Variants in PLEKHG4B observed in about 807,000 individuals in gnomAD.
PLEKHG4B encodes the protein pleckstrin homology and RhoGEF domain containing G4B.
In PLEKHG4B, 111 loss-of-function variants were observed where a neutral mutation model predicts 121.3. That is an observed-to-expected ratio of 0.92 (90% CI 0.78 to 1.07). PLEKHG4B has a LOEUF of 1.07. Among genes scored for constraint, PLEKHG4B ranks in the 50% least tolerant of loss-of-function variants. PLEKHG4B has a pLI of 0.00. For missense variants in PLEKHG4B, 1,831 were observed against 1,757.8 expected (o/e 1.04, Z -0.74); for synonymous variants, 738 against 725.0 (o/e 1.02, Z -0.29).
chr5:97,356 C>T (rs1413324470), intron 1 of PLEKHG4B, among the ~76,000 whole-genome samples: 2 of 151,922 alleles, frequency 1.3e-5, no homozygotes, highest in Admixed American at 1.3e-4. Flanking sequence ...AGATCGTTTT[C>T]CTCATTCCGA....
At chr5:134,058 AAT>A (rs1184569941) in intron 2 of PLEKHG4B, among the ~76,000 whole-genome samples, 92 of 124,972 alleles carry the variant, frequency 7.4e-4, no homozygotes, top group East Asian at 1.4e-3. Context: ...TATATGATAG[AAT>A]ATATATATAT....
At chr5:152,144 G>A (rs908225437) in intron 7 of PLEKHG4B, among the ~76,000 whole-genome samples, 5 of 101,506 alleles carry the variant, frequency 4.9e-5, no homozygotes, top group African/African-American at 1.2e-4. Flanking sequence ...AGGCTTGAAC[G>A]TTAAATTTGT....
chr5:122,052 CT>C (rs1452355629), intron 2 of PLEKHG4B, among the ~76,000 whole-genome samples: 1 of 152,112 alleles, frequency 6.6e-6, no homozygotes, highest in Admixed American at 6.5e-5. Context: ...TGAAATTATA[CT>C]ACTGAAAGGT....
chr5:137,650 C>T lies in PLEKHG4B; in HGVS notation c.244-1833C>T, dbSNP rs1735023338. Among the ~76,000 whole-genome samples the T allele has an allele frequency of 1.3e-5, 2 of 152,230 alleles. No individual in the cohort carries two copies. Among genetic ancestry groups the T allele is most frequent in the African/African-American group, 4.8e-5 (2 of 41,464 alleles). On this transcript the variant is annotated intron_variant, in intron 2 of 19. Transcript: ENST00000637938. The surrounding 1 kb of genome is among the most constrained non-coding windows in gnomAD (Gnocchi z 4.2). ...GAAAGGCTCCAACACCCTCCCATTT[C>T]TGTTTTCTGGAAAAAGTCTAGTGGT...
In PLEKHG4B at chr5:154,975, G is replaced by C. The variant is rs1735724491; in HGVS notation, c.2093G>C (p.Trp698Ser). 6.2e-7 allele frequency: 1 copy of C among 1,612,878 alleles called. No homozygotes were observed. Among genetic ancestry groups the C allele is most frequent in the East Asian group, 2.2e-5 (1 of 44,894 alleles). The change falls in exon 8 of 20, where the codon TGG (tryptophan) becomes TCG (serine). Residue 698 changes from tryptophan (W) to serine (S), a missense_variant. Trp to Ser is a radical substitution (Grantham distance 177). Coordinates refer to ENST00000637938, the MANE Select transcript of PLEKHG4B (RefSeq NM_052909.5). ...DGSFPYSHGD[W>S]ICFRQRLEHF... ...TCCTTTCCCTACAGCCATGGTGACT[G>C]GATCTGCTTCCGTCAGGTAGGTTCA...
At position 162,978 on chromosome 5, in the gene PLEKHG4B, C is replaced by A. The variant is rs1323736505; in HGVS notation, c.2906C>A (p.Pro969His). ...GCTGCCCCAGACCCCAGCTTACCGC[C>A]CCTTGCCCAGAGCCCCCCAAAGCAT... ...SEAAPDPSLPPLAQSPPKHER... is the reference protein window; with the variant it reads ...SEAAPDPSLPHLAQSPPKHER... Residue 969 changes from proline to histidine, a missense_variant, in exon 13 of 20, where the codon CCC (proline) becomes CAC (histidine). By Grantham distance (77) the Pro-to-His change is moderately conservative. Transcript: ENST00000637938. 1 of 1,567,534 alleles carries A rather than the reference C, an allele frequency of 6.4e-7. No homozygotes were observed. The highest frequency in any genetic ancestry group is 1.9e-5 in the Admixed American group (1 of 53,948).
At chr5:134,332 G>A (rs1008255595) in intron 2 of PLEKHG4B, among the ~76,000 whole-genome samples, 3 of 151,654 alleles carry the variant, frequency 2.0e-5, no homozygotes, top group Non-Finnish European at 2.9e-5. Flanking sequence ...GGAAAGGGTG[G>A]GAGGCAGGTG....
At position 174,083 on chromosome 5, in the gene PLEKHG4B, GC is replaced by G; in HGVS notation, c.4388del (p.Ala1463AspfsTer2). On this transcript the variant is annotated frameshift_variant, in exon 18 of 20. Transcript: ENST00000637938. LOFTEE classifies it high-confidence loss of function. ...DVIGRILWRQALKSRELRIQE... is the reference protein window; with the variant it reads ...DVIGRILWRQXLKSRELRIQE... ...CATAGGGAGGATCCTGTGGCGGCAG[GC>G]ACTAAAGAGCAGAGGTGGGAAGATG... is the stretch of plus-strand genomic sequence containing the variant. 6.4e-7 allele frequency: 1 copy of G among 1,555,074 alleles called. No homozygotes were observed. The highest frequency in any genetic ancestry group is 8.7e-7 in the Non-Finnish European group (1 of 1,148,568).
At chr5:111,405 G>A (rs576282687) in intron 1 of PLEKHG4B, among the ~76,000 whole-genome samples, 2 of 152,358 alleles carry the variant, frequency 1.3e-5, no homozygotes, top group Admixed American at 6.5e-5. Context: ...AGTCACCATG[G>A]AATCAGGCAG....
chr5:126,961 T>A (rs114838885), intron 2 of PLEKHG4B, among the ~76,000 whole-genome samples: 2 of 152,168 alleles, frequency 1.3e-5, no homozygotes, highest in African/African-American at 4.8e-5. Context: ...GACATTTACA[T>A]AGTGTGCGGG....
intron 17 of PLEKHG4B, among the ~76,000 whole-genome samples, chr5:173,507 TCA>T (rs1736640546): frequency 6.6e-6 from 1 of 151,980 alleles, no homozygotes; most frequent in Non-Finnish European, 1.5e-5. Context: ...GTGCATGGGC[TCA>T]CACACAAGCA....
intron 5 of PLEKHG4B, 42 bp from the exon 6 acceptor site, chr5:144,785 T>C: frequency 6.4e-7 from 1 of 1,554,316 alleles, no homozygotes; most frequent in Non-Finnish European, 8.9e-7. Context: ...TGTAAGAGAT[T>C]TAACCTTCAG....
At chr5:102,729 CTCTT>C (rs1231426474) in intron 1 of PLEKHG4B, among the ~76,000 whole-genome samples, 5 of 152,316 alleles carry the variant, frequency 3.3e-5, no homozygotes, top group Admixed American at 2.6e-4. Flanking sequence ...TCTCGAGTAT[CTCTT>C]TATAGCAGTG....
rs1734221595 is a variant in PLEKHG4B at position 113,616 on chromosome 5, T to C, written c.243+168T>C. Among the ~76,000 whole-genome samples, 1 of 152,196 alleles carries C rather than the reference T, an allele frequency of 6.6e-6. No homozygotes were observed. The highest frequency in any genetic ancestry group is 2.4e-5 in the African/African-American group (1 of 41,456). On this transcript the variant is annotated intron_variant, in intron 2 of 19. Transcript: ENST00000637938. This position sits in a 1 kb window ranked among gnomAD's most constrained non-coding sequence, Gnocchi z 5.2. ...ATGAAGGGTCAAACAAGGCTGCATG[T>C]CCCAGCAACAAGGGTTTCTCAGGCT...
At chr5:180,727 C>T (rs995441946) in intron 18 of PLEKHG4B, among the ~76,000 whole-genome samples, 1 of 152,214 alleles carries the variant, frequency 6.6e-6, no homozygotes, top group Admixed American at 6.5e-5. Context: ...CTAAAATAGC[C>T]TTCGGAGTTA....
intron 18 of PLEKHG4B, among the ~76,000 whole-genome samples, chr5:175,532 G>A (rs1334029195): frequency 6.6e-6 from 1 of 152,062 alleles, no homozygotes; most frequent in Non-Finnish European, 1.5e-5. Context: ...TGGCAGCTCT[G>A]GCCTCTCAGA....
At position 155,364 on chromosome 5, in the gene PLEKHG4B, C is replaced by A. The variant is rs1417209629; in HGVS notation, c.2129C>A (p.Ala710Glu). ...CFRQRLEHFA[A>E]NCEEAIIFLQ... ...CAACAGAGGCTGGAACACTTCGCTG[C>A]AAACTGTGAAGAAGCCATCATTTTC... The change falls in exon 9 of 20, where the codon GCA (alanine) becomes GAA (glutamate). Residue 710 changes from alanine (A) to glutamate (E), a missense_variant. Physicochemically the swap from Ala to Glu is moderately radical, Grantham distance 107. Transcript: ENST00000637938. 1.2e-6 allele frequency: 2 copies of A among 1,614,056 alleles called. No individual in the cohort carries two copies. Among genetic ancestry groups the A allele is most frequent in the African/African-American group, 2.7e-5 (2 of 74,934 alleles).
rs1735789904 is a variant in PLEKHG4B at position 156,612 on chromosome 5, CA to C, written c.2349-160del. ...CAGGATGTTGGCAGAACGCATGGAGCACATCTGTGCCCCGCCTCGGTTGTGG... is the reference window on the plus strand; with the variant it reads ...CAGGATGTTGGCAGAACGCATGGAGCCATCTGTGCCCCGCCTCGGTTGTGG... On this transcript the variant is annotated intron_variant, in intron 10 of 19. Transcript: ENST00000637938. The surrounding 1 kb of genome is among the most constrained non-coding windows in gnomAD (Gnocchi z 4.4). Among the ~76,000 whole-genome samples the C allele has an allele frequency of 6.6e-6, 1 of 152,064 alleles. No individual in the cohort carries two copies. Among genetic ancestry groups the C allele is most frequent in the South Asian group, 2.1e-4 (1 of 4,810 alleles).
chr5:151,556 A>G lies in PLEKHG4B; in HGVS notation c.1949A>G (p.Asp650Gly). ...PIIHSILLLV[D>G]KESAFRPDKD... ...ATTCATAGTATCTTGCTGTTGGTAG[A>G]TAAAGAATCTGCATTTAGGCCTGAC... Residue 650 changes from aspartate (D) to glycine (G), a missense_variant, in exon 7 of 20, where the codon GAT becomes GGT. Physicochemically the swap from Asp to Gly is moderately conservative, Grantham distance 94. Coordinates refer to ENST00000637938, the MANE Select transcript of PLEKHG4B (RefSeq NM_052909.5). 1 of 1,592,336 alleles carries G rather than the reference A, an allele frequency of 6.3e-7. No individual in the cohort carries two copies. Among genetic ancestry groups the G allele is most frequent in the Non-Finnish European group, 8.6e-7 (1 of 1,160,892 alleles).
Sources: allele counts gnomAD v4.1 joint callset (sites outside exome capture counted in the v4.1 genomes callset), GRCh38; gene constraint gnomAD v4.1.1; non-coding constraint Gnocchi (gnomAD v3.1); transcripts MANE v1.5; gene names NCBI Gene and HGNC (gene_info 2026-07-23, HGNC 2026-07-21).